The following OR1J2 variants were observed in gnomAD, a reference collection of about 807,000 sequenced individuals.
The protein encoded by OR1J2 is olfactory receptor 1J2.
For missense variants in OR1J2, 304 were observed against 246.1 expected (o/e 1.24, Z -1.57); for synonymous variants, 142 against 99.7 (o/e 1.42, Z -2.52).
chr9:122,552,204 TG>T, the OR1J2 span, among the ~76,000 whole-genome samples: 1 of 151,954 alleles, frequency 6.6e-6, no homozygotes, highest in Non-Finnish European at 1.5e-5. Flanking sequence ...AAAGAACAAA[TG>T]GAGGACTAAA....
chr9:122,459,949 T>C, the OR1J2 span, among the ~76,000 whole-genome samples: 1 of 152,076 alleles, frequency 6.6e-6, no homozygotes, highest in Non-Finnish European at 1.5e-5. Flanking sequence ...CAAATAATGG[T>C]AAAACCCATA....
At chr9:122,558,350 T>C in the OR1J2 span, among the ~76,000 whole-genome samples, 1 of 110,292 alleles carries the variant, frequency 9.1e-6, no homozygotes, top group Non-Finnish European at 1.8e-5. Flanking sequence ...CAAAAGAAGG[T>C]TAAATTCAAC....
At chr9:122,538,239 C>T in the OR1J2 span, among the ~76,000 whole-genome samples, 1 of 151,942 alleles carries the variant, frequency 6.6e-6, no homozygotes, top group African/African-American at 2.4e-5. Flanking sequence ...CGAGGACCCA[C>T]CCTGACTGCC....
chr9:122,570,515 A>C, the OR1J2 span, among the ~76,000 whole-genome samples: 1 of 152,220 alleles, frequency 6.6e-6, no homozygotes, highest in African/African-American at 2.4e-5. Context: ...CAGGTTTTTC[A>C]TGTATAAAAT....
chr9:122,549,045 G>A, the OR1J2 span, among the ~76,000 whole-genome samples: 5 of 151,830 alleles, frequency 3.3e-5, no homozygotes, highest in Admixed American at 3.3e-4. Flanking sequence ...TATTTGCTTA[G>A]ATCAATGTTG....
the OR1J2 span, among the ~76,000 whole-genome samples, chr9:122,580,072 G>GTAA: frequency 6.6e-6 from 1 of 152,036 alleles, no homozygotes; most frequent in Admixed American, 6.5e-5. Flanking sequence ...CACTAACTGG[G>GTAA]TAATTGGTCA....
At chr9:122,561,346 A>T in the OR1J2 span, among the ~76,000 whole-genome samples, 1 of 152,124 alleles carries the variant, frequency 6.6e-6, no homozygotes, top group African/African-American at 2.4e-5. Flanking sequence ...CTGTCAGTTC[A>T]TCTATTTCAT....
the OR1J2 span, chr9:122,567,476 T>C: frequency 1.7e-6 from 2 of 1,171,632 alleles, no homozygotes; most frequent in East Asian, 4.7e-5. Context: ...CTTTGACTGT[T>C]CACCAGAAAC....
the OR1J2 span, among the ~76,000 whole-genome samples, chr9:122,469,587 C>T: frequency 3.9e-5 from 6 of 152,046 alleles, no homozygotes; most frequent in Non-Finnish European, 7.3e-5. Flanking sequence ...AAAAGATACC[C>T]GAAAATGTGG....
chr9:122,501,604 AT>A, the OR1J2 span, among the ~76,000 whole-genome samples: 16 of 150,996 alleles, frequency 1.1e-4, no homozygotes, highest in African/African-American at 2.9e-4. Flanking sequence ...AGAAAGTAAG[AT>A]TTTTTTTTTC....
chr9:122,554,053 A>G, the OR1J2 span: 7 of 1,613,570 alleles, frequency 4.3e-6, no homozygotes, highest in South Asian at 5.5e-5. Flanking sequence ...GCTGTTCTCT[A>G]TATGGTGATT....
At chr9:122,560,130 G>C in the OR1J2 span, among the ~76,000 whole-genome samples, 20 of 151,772 alleles carry the variant, frequency 1.3e-4, no homozygotes, top group Non-Finnish European at 1.5e-5. Context: ...AATCTGTTTT[G>C]TCAGAGACTA....
At chr9:122,525,375 C>G in the OR1J2 span, among the ~76,000 whole-genome samples, 3 of 151,932 alleles carry the variant, frequency 2.0e-5, no homozygotes. Flanking sequence ...GAGAAACAAA[C>G]TTAAATGAGG....
chr9:122,571,380 T>G, the OR1J2 span, among the ~76,000 whole-genome samples: 1 of 151,702 alleles, frequency 6.6e-6, no homozygotes, highest in African/African-American at 2.4e-5. Context: ...TTAAATCCTG[T>G]CTCTACTAAA....
the OR1J2 span, among the ~76,000 whole-genome samples, chr9:122,494,575 T>TA: frequency 6.6e-6 from 1 of 152,188 alleles, no homozygotes; most frequent in African/African-American, 2.4e-5. Context: ...TGTGAGTCCT[T>TA]ATGTGCAAGG....
chr9:122,451,195 A>ATTC, the OR1J2 span, among the ~76,000 whole-genome samples: 1 of 140,136 alleles, frequency 7.1e-6, no homozygotes, highest in African/African-American at 2.7e-5. Context: ...TATTATTATT[A>ATTC]TTATTTTGAG....
At chr9:122,475,678 CTGT>C in the OR1J2 span, 1 of 152,156 alleles carries the variant, frequency 6.6e-6, no homozygotes, top group Non-Finnish European at 1.5e-5. Flanking sequence ...ACTTTAATAT[CTGT>C]TGTCTCCCAG....
the OR1J2 span, among the ~76,000 whole-genome samples, chr9:122,573,918 A>C: frequency 6.6e-6 from 1 of 152,158 alleles, no homozygotes; most frequent in Non-Finnish European, 1.5e-5. Flanking sequence ...TAATGTTTAT[A>C]AAGGGTGAAT....
chr9:122,572,659 C>T, the OR1J2 span: 1 of 151,408 alleles, frequency 6.6e-6, no homozygotes, highest in South Asian at 2.1e-4. Context: ...CTCAATGAGT[C>T]TAAATGAGTC....
Sources: gnomAD v4.1 joint callset for allele counts (sites outside exome capture counted in the v4.1 genomes callset) on GRCh38, gnomAD v4.1.1 for gene constraint, MANE v1.5 for transcripts, NCBI Gene and HGNC (gene_info 2026-07-23, HGNC 2026-07-21) for gene names.